Variants in EYS observed in about 807,000 individuals in gnomAD.
EYS encodes EGF-like photoreceptor maintenance factor.
A neutral mutation model predicts 282.1 loss-of-function variants in EYS; 250 were observed. The ratio of observed to expected loss-of-function variants is 0.89; its 90% confidence interval spans 0.80 to 0.98. The LOEUF is 0.98. EYS is among the 50% of genes least tolerant of loss of function. The pLI is 0.00. For missense variants in EYS, 4,016 were observed against 3,709.0 expected, an observed-to-expected ratio of 1.08 and a Z score of -2.15; for synonymous variants, 1,355 against 1,282.9, an observed-to-expected ratio of 1.06 and a Z score of -1.20.
At chr6:64,678,583 C>T (rs1769779638) in intron 22 of EYS, among the ~76,000 whole-genome samples, 1 of 151,756 alleles carries the variant, frequency 6.6e-6, no homozygotes, top group African/African-American at 2.4e-5. Flanking sequence ...GTCTTAAAAA[C>T]AGAAACAAAA....
In EYS at chr6:64,924,863, T is replaced by C. The variant is rs529389801; in HGVS notation, c.2382-12120A>G. On this transcript the variant is annotated intron_variant, in intron 15 of 42. Transcript: ENST00000503581. ...ACTATCAGCATTTGGGGCAAAGCCA[T>C]TCAACAAGACTCTAGGAAGTTCAAA... Among the ~76,000 whole-genome samples, 8 of 152,308 alleles carry C rather than the reference T, an allele frequency of 5.3e-5. No individual in the cohort carries two copies. In the South Asian group the frequency reaches 1.7e-3, roughly 32 times the overall value.
At chr6:64,902,266 A>G in intron 17 of EYS, 46 bp from the exon 18 acceptor site, 1 of 1,402,844 alleles carries the variant, frequency 7.1e-7, no homozygotes, top group Non-Finnish European at 9.7e-7. Flanking sequence ...ATATGTATAA[A>G]ATCAATGCTT....
At chr6:65,456,030 GAAGA>G (rs199572858) in intron 5 of EYS, among the ~76,000 whole-genome samples, 11 of 126,518 alleles carry the variant, frequency 8.7e-5, no homozygotes, top group South Asian at 5.0e-4. Flanking sequence ...GGAAGGAAGG[GAAGA>G]AAGAAAGAAA....
At chr6:64,251,587 A>G (rs1407722530) in intron 30 of EYS, among the ~76,000 whole-genome samples, 1 of 152,208 alleles carries the variant, frequency 6.6e-6, no homozygotes, top group Non-Finnish European at 1.5e-5. Flanking sequence ...AAAAGCAAGC[A>G]GCTATGTGGT....
chr6:65,363,300 T>C (rs548006777), intron 8 of EYS, among the ~76,000 whole-genome samples: 92 of 152,152 alleles, frequency 6.0e-4, no homozygotes, highest in African/African-American at 2.2e-3. Flanking sequence ...CCAAAATCCC[T>C]ATTTTCCTTT....
intron 22 of EYS, among the ~76,000 whole-genome samples, chr6:64,691,059 C>A (rs1201354807): frequency 6.6e-6 from 1 of 151,672 alleles, no homozygotes; most frequent in African/African-American, 2.4e-5. Flanking sequence ...TATATCATTA[C>A]CTCAATAAAT....
intron 12 of EYS, among the ~76,000 whole-genome samples, chr6:65,243,091 A>G (rs1767094310): frequency 1.4e-5 from 1 of 69,230 alleles, no homozygotes; most frequent in African/African-American, 1.2e-4. Flanking sequence ...CAAAAAATAA[A>G]CTGATTTGCA....
chr6:64,421,827 CGAGA>C (rs367750793), intron 28 of EYS, among the ~76,000 whole-genome samples: 1 of 143,622 alleles, frequency 7.0e-6, no homozygotes, highest in East Asian at 2.1e-4. Context: ...AGAGAGAGAG[CGAGA>C]GAGAGAGAGC....
intron 23 of EYS, among the ~76,000 whole-genome samples, chr6:64,622,879 T>C (rs939860217): frequency 6.6e-6 from 1 of 152,134 alleles, no homozygotes; most frequent in African/African-American, 2.4e-5. Context: ...GACAGAGAAG[T>C]GGACATGTGT....
intron 16 of EYS, among the ~76,000 whole-genome samples, chr6:64,909,898 A>G (rs1767940427): frequency 6.6e-6 from 1 of 152,130 alleles, no homozygotes; most frequent in African/African-American, 2.4e-5. Flanking sequence ...CTTCAGAGTG[A>G]ATTTGAATGT....
At chr6:64,429,821 C>A (rs1774522450) in intron 28 of EYS, among the ~76,000 whole-genome samples, 1 of 152,152 alleles carries the variant, frequency 6.6e-6, no homozygotes, top group African/African-American at 2.4e-5. Flanking sequence ...GATACAGGAA[C>A]AATTCCTTGG....
At chr6:65,358,725 A>G (rs1022013691) in intron 8 of EYS, among the ~76,000 whole-genome samples, 7 of 151,716 alleles carry the variant, frequency 4.6e-5, no homozygotes, top group African/African-American at 1.7e-4. Context: ...GTGAGACTAA[A>G]CTCATTATCA....
intron 22 of EYS, among the ~76,000 whole-genome samples, chr6:64,668,859 A>G (rs9345361): frequency 1 from 151,958 of 152,156 alleles, 75,880 homozygotes; most frequent in Middle Eastern, 1. Flanking sequence ...GAGCCACCAC[A>G]CCTGGCCGCT....
intron 1 of EYS, among the ~76,000 whole-genome samples, chr6:65,704,802 T>A (rs1310228411): frequency 6.6e-6 from 1 of 152,184 alleles, no homozygotes; most frequent in Non-Finnish European, 1.5e-5. Flanking sequence ...TACACAGCAG[T>A]GATGCACTCA....
At chr6:64,791,914 T>C (rs1404581503) in intron 22 of EYS, among the ~76,000 whole-genome samples, 1 of 151,892 alleles carries the variant, frequency 6.6e-6, no homozygotes, top group African/African-American at 2.4e-5. Context: ...TAATATACTT[T>C]TCATAGAACT....
chr6:64,266,398 TA>T (rs950776181), intron 30 of EYS, among the ~76,000 whole-genome samples: 1 of 151,664 alleles, frequency 6.6e-6, no homozygotes, highest in Non-Finnish European at 1.5e-5. Context: ...TCCCCAAAAC[TA>T]AAAAAACCCG....
At chr6:65,003,474 G>T (rs1394124496) in intron 13 of EYS, among the ~76,000 whole-genome samples, 1 of 147,690 alleles carries the variant, frequency 6.8e-6, no homozygotes, top group Non-Finnish European at 1.5e-5. Flanking sequence ...CTGTGGTCCT[G>T]TGATCTTGCC....
At chr6:64,334,678 AT>A (rs1288891370) in intron 29 of EYS, among the ~76,000 whole-genome samples, 2 of 152,164 alleles carry the variant, frequency 1.3e-5, no homozygotes, top group South Asian at 4.1e-4. Flanking sequence ...GAGAGATGTT[AT>A]TTATCAGAAC....
chr6:65,117,547 T>G (rs1219600516), intron 12 of EYS, among the ~76,000 whole-genome samples: 1 of 152,112 alleles, frequency 6.6e-6, no homozygotes, highest in Non-Finnish European at 1.5e-5. Flanking sequence ...TTTTCAAGAA[T>G]AAGTCCCTCC....
Sources: allele counts gnomAD v4.1 joint callset (sites outside exome capture counted in the v4.1 genomes callset), GRCh38; gene constraint gnomAD v4.1.1; transcripts MANE v1.5; gene names NCBI Gene and HGNC (gene_info 2026-07-23, HGNC 2026-07-21).